Variants in HDAC7 observed in about 807,000 individuals in gnomAD.
The protein encoded by HDAC7 is histone deacetylase 7.
In HDAC7, 26 loss-of-function variants were observed where a neutral mutation model predicts 115.5. The observed-to-expected ratio is 0.23, with a 90% CI of 0.16 to 0.31. HDAC7 has a LOEUF of 0.31. HDAC7 is among the 10% of genes least tolerant of loss of function. The probability of loss-of-function intolerance (pLI) is 1.00; values close to 1 mark genes in which losing one functional copy is unlikely to be tolerated. For missense variants in HDAC7, 1,068 were observed against 1,329.0 expected (o/e 0.80, Z 3.05); for synonymous variants, 564 against 550.9 (o/e 1.02, Z -0.33).
In HDAC7 at chr12:47,783,649, C is replaced by G. The variant is rs1352645861; in HGVS notation, c.*192G>C. 2 of 653,142 alleles carry G rather than the reference C, an allele frequency of 3.1e-6. No homozygotes were observed. The highest frequency in any genetic ancestry group is 5.5e-6 in the Non-Finnish European group (2 of 364,070). 40.5% of individuals were successfully genotyped at this position (653,142 alleles called of 1,614,324 possible). Reference sequence around the variant, plus strand: ...CCAGCCCGTCTCCTCTCAGGGTCCTCTCCAGTTCCCATTCTAGACCCAGGG... The same window carrying G: ...CCAGCCCGTCTCCTCTCAGGGTCCTGTCCAGTTCCCATTCTAGACCCAGGG... On this transcript the variant is annotated 3_prime_UTR_variant, in exon 26 of 26. Transcript: ENST00000080059.
Position 47,783,635 on chromosome 12 carries a change from C to T in HDAC7, c.*206G>A. 1.1e-5 allele frequency: 7 copies of T among 614,854 alleles called. No individual in the cohort carries two copies. In the South Asian group the frequency reaches 1.1e-4, roughly 10 times the overall value. The allele number at this position is 614,854 out of a possible 1,614,324, so 38.1% of individuals were successfully genotyped here. A position where few individuals can be genotyped will look rare whatever the true frequency, so the allele number is the denominator to read the frequency against. Reference sequence around the variant, plus strand: ...GTGGGGGTCGCCGCCCAGCCCGTCTCCTCTCAGGGTCCTCTCCAGTTCCCA... The same window carrying T: ...GTGGGGGTCGCCGCCCAGCCCGTCTTCTCTCAGGGTCCTCTCCAGTTCCCA... On this transcript the variant is annotated 3_prime_UTR_variant, in exon 26 of 26. Transcript: ENST00000080059.
chr12:47,818,591 G>T (rs1189876999), intron 1 of HDAC7, among the ~76,000 whole-genome samples: 3 of 152,240 alleles, frequency 2.0e-5, no homozygotes, highest in Non-Finnish European at 2.9e-5. Context: ...CCTGAGGAAG[G>T]TCCCACAGGT....
upstream of HDAC7, among the ~76,000 whole-genome samples, chr12:47,821,021 C>G (rs1236176014): frequency 6.6e-6 from 1 of 152,208 alleles, no homozygotes; most frequent in African/African-American, 2.4e-5. Context: ...CAATCTGGAG[C>G]TGCTCCTAGG....
In HDAC7 at chr12:47,793,153, T is replaced by C. The variant is rs1457757020; in HGVS notation, c.1678+216A>G. 1 of 513,382 alleles carries C rather than the reference T, an allele frequency of 1.9e-6. No individual in the cohort carries two copies. The highest frequency in any genetic ancestry group is 1.9e-5 in the African/African-American group (1 of 51,462). The allele number at this position is 513,382 out of a possible 1,614,324, so 31.8% of individuals were successfully genotyped here. ...CCTGGCTTGACTACCACTTGCTATT[T>C]GACCACAGGCTTGTCACCTTAGATT... On this transcript the variant is annotated intron_variant, in intron 13 of 25. Coordinates refer to ENST00000080059, the MANE Select transcript of HDAC7 (RefSeq NM_015401.5). This position sits in a 1 kb window ranked among gnomAD's most constrained non-coding sequence, Gnocchi z 4.5.
In HDAC7 at chr12:47,798,299, C is replaced by G; in HGVS notation, c.350-80G>C. ...GCACTACCTGGCCACTGCCCTGTCC[C>G]CATCCTCAGTAGGAGGCGTCCCAGG... is the stretch of plus-strand genomic sequence containing the variant. On this transcript the variant is annotated intron_variant, in intron 4 of 25. Transcript: ENST00000080059. The surrounding 1 kb of genome is among the most constrained non-coding windows in gnomAD (Gnocchi z 4.3). 8 of 1,171,300 alleles carry G rather than the reference C, an allele frequency of 6.8e-6. No homozygotes were observed. The highest frequency in any genetic ancestry group is 1.0e-5 in the Non-Finnish European group (8 of 783,932). 72.6% of individuals were successfully genotyped at this position (1,171,300 alleles called of 1,614,324 possible). A position where few individuals can be genotyped will look rare whatever the true frequency, so the allele number is the denominator to read the frequency against.
At chr12:47,788,314 G>A (rs1016924247) in intron 19 of HDAC7, 150 bp from the exon 20 acceptor site, 15 of 935,724 alleles carry the variant, frequency 1.6e-5, no homozygotes, top group Middle Eastern at 3.7e-4. Context: ...CGGTCGAGTG[G>A]CCCCACGTAA....
chr12:47,787,563 T>G (rs1336579952), intron 21 of HDAC7, 149 bp downstream of exon 21: 1 of 607,722 alleles, frequency 1.6e-6, no homozygotes, highest in Non-Finnish European at 2.9e-6. Context: ...CTTCTCTCTG[T>G]TTGTCCTATT....
chr12:47,798,225 G>A lies in HDAC7; in HGVS notation c.350-6C>T. ...CACGCTGCTGGCTACAGCACCTGTA[G>A]GGGCAGAGTCAGGAGGGGGCTGGAG... On this transcript the variant is annotated splice_polypyrimidine_tract_variant and splice_region_variant and intron_variant, in intron 4 of 25. Coordinates refer to ENST00000080059, the MANE Select transcript of HDAC7 (RefSeq NM_015401.5). This position sits in a 1 kb window ranked among gnomAD's most constrained non-coding sequence, Gnocchi z 4.3. The A allele has an allele frequency of 6.2e-7, 1 of 1,610,642 alleles. No individual in the cohort carries two copies. The highest frequency in any genetic ancestry group is 8.5e-7 in the Non-Finnish European group (1 of 1,177,164).
chr12:47,787,798 G>A lies in HDAC7; in HGVS notation c.2367C>T (p.Gly789=). 6.2e-7 allele frequency: 1 copy of A among 1,612,090 alleles called. No homozygotes were observed. Among genetic ancestry groups the A allele is most frequent in the Non-Finnish European group, 8.5e-7 (1 of 1,179,214 alleles). The change falls in exon 21 of 26, where the codon GGC becomes GGT. Residue 789 remains glycine, a synonymous_variant. Transcript: ENST00000080059. ...GSGAVDEVGA[G]SGEGFNVNVA... is the part of the protein sequence containing the mutation. The stretch of plus-strand genomic sequence containing the variant: ...CATTGACATTGAAGCCCTCACCGCT[G>A]CCAGCCCCTACCTGGAAAACAGGAG...
Position 47,793,410 on chromosome 12 carries a change from G to T in HDAC7, c.1637C>A (p.Ser546Tyr). The change falls in exon 13 of 26, where the codon TCC (serine) becomes TAC (tyrosine). Residue 546 changes from serine (S) to tyrosine (Y), a missense_variant. By Grantham distance (144) the Ser-to-Tyr change is moderately radical (BLOSUM62 -2). Coordinates refer to ENST00000080059, the MANE Select transcript of HDAC7 (RefSeq NM_015401.5). The surrounding 1 kb of genome is among the most constrained non-coding windows in gnomAD (Gnocchi z 4.5). ...GGTCCTGGCAGGGGTCTCTGAGCTG[G>T]AGAGGACTCGGGCCTGGCTGGCAGG... is the stretch of plus-strand genomic sequence containing the variant. Reference protein sequence around the residue: ...PEPASQARVLSSSETPARTLP... With the variant: ...PEPASQARVLYSSETPARTLP... 2 of 1,560,928 alleles carry T rather than the reference G, an allele frequency of 1.3e-6. No individual in the cohort carries two copies. The highest frequency in any genetic ancestry group is 2.3e-5 in the East Asian group (1 of 43,048).
At position 47,783,631 on chromosome 12, in the gene HDAC7, G is replaced by C; in HGVS notation, c.*210C>G. 1.7e-6 allele frequency: 1 copy of C among 603,714 alleles called. No individual in the cohort carries two copies. Among genetic ancestry groups the C allele is most frequent in the Non-Finnish European group, 3.0e-6 (1 of 336,112 alleles). 37.4% of individuals were successfully genotyped at this position (603,714 alleles called of 1,614,324 possible). ...CCCTGTGGGGGTCGCCGCCCAGCCC[G>C]TCTCCTCTCAGGGTCCTCTCCAGTT... On this transcript the variant is annotated 3_prime_UTR_variant, in exon 26 of 26. Coordinates refer to ENST00000080059, the MANE Select transcript of HDAC7 (RefSeq NM_015401.5).
chr12:47,789,342 G>A lies in HDAC7; in HGVS notation c.2154C>T (p.Phe718=), dbSNP rs1214155086. 1 of 1,613,650 alleles carries A rather than the reference G, an allele frequency of 6.2e-7. No individual in the cohort carries two copies. Among genetic ancestry groups the A allele is most frequent in the African/African-American group, 1.3e-5 (1 of 74,930 alleles). ...HHADHSTAMG[F]CFFNSVAIAC... ...CGATGGCCACTGAGTTGAAGAAGCA[G>A]AAGCCCCTGGAAGGAGAGACAGGTC... The change falls in exon 19 of 26, where the codon TTC becomes TTT. Residue 718 remains phenylalanine, a synonymous_variant. Transcript: ENST00000080059.
In HDAC7 at chr12:47,795,660, C is replaced by T; in HGVS notation, c.1014G>A (p.Gly338=). 1.3e-6 allele frequency: 2 copies of T among 1,553,324 alleles called. No individual in the cohort carries two copies. The highest frequency in any genetic ancestry group is 1.7e-6 in the Non-Finnish European group (2 of 1,148,234). The change falls in exon 10 of 26, where the codon GGG becomes GGA. Residue 338 remains glycine (G), a synonymous_variant. Transcript: ENST00000080059. This position sits in a 1 kb window ranked among gnomAD's most constrained non-coding sequence, Gnocchi z 4.3. ...GCTGCAGGCGAGAGGGCAAGGTGCC[C>T]CCAGCCTCGGGCTCCAAGCCATGGG... ...FLPHGLEPEA[G]GTLPSRLQPI...
At chr12:47,799,162 A>C in intron 2 of HDAC7, 190 bp from the exon 3 acceptor site, 1 of 554,502 alleles carries the variant, frequency 1.8e-6, no homozygotes, top group Non-Finnish European at 3.2e-6. Context: ...TACTCGTGAG[A>C]AAAAAGTCAC....
chr12:47,782,877 C>T lies in HDAC7; in HGVS notation c.*964G>A, dbSNP rs529164732. The T allele has an allele frequency of 9.8e-5, 15 of 153,362 alleles. No homozygotes were observed. In the South Asian group the frequency reaches 1.0e-3, roughly 11 times the overall value. The allele number at this position is 153,362 out of a possible 1,614,324, so 9.5% of individuals were successfully genotyped here. ...CGCTCACACACACGCCTCACTCACA[C>T]ACATGCTCACACACATTTTCCTTCT... is the stretch of plus-strand genomic sequence containing the variant. On this transcript the variant is annotated 3_prime_UTR_variant, in exon 26 of 26. Coordinates refer to ENST00000080059, the MANE Select transcript of HDAC7 (RefSeq NM_015401.5).
chr12:47,811,612 C>G (rs1442264518), intron 1 of HDAC7, among the ~76,000 whole-genome samples: 2 of 152,198 alleles, frequency 1.3e-5, no homozygotes, highest in Non-Finnish European at 2.9e-5. Context: ...TTTTGCTGGT[C>G]TGTCCTGTCT....
At chr12:47,810,366 G>GC (rs1203354331) in intron 1 of HDAC7, among the ~76,000 whole-genome samples, 13 of 152,326 alleles carry the variant, frequency 8.5e-5, no homozygotes, top group African/African-American at 3.1e-4. Flanking sequence ...CCTAAGCTTA[G>GC]CATCGGTACA....
At chr12:47,802,573 C>A in intron 1 of HDAC7, 1 of 1,121,386 alleles carries the variant, frequency 8.9e-7, no homozygotes, top group Non-Finnish European at 1.3e-6. Context: ...GCAGTGCCCT[C>A]AGCCCTCCCT....
chr12:47,785,532 C>A, intron 23 of HDAC7, 61 bp from the exon 24 acceptor site: 1 of 1,520,516 alleles, frequency 6.6e-7, no homozygotes. Context: ...AGCTCACTCC[C>A]ACCCCAGGGG....
Sources: gnomAD v4.1 joint callset for allele counts (sites outside exome capture counted in the v4.1 genomes callset) on GRCh38, gnomAD v4.1.1 for gene constraint, Gnocchi (gnomAD v3.1) non-coding constraint, MANE v1.5 for transcripts, NCBI Gene and HGNC (gene_info 2026-07-23, HGNC 2026-07-21) for gene names.